Variants in GID4 observed in about 807,000 individuals in gnomAD.
GID4 encodes the protein glucose-induced degradation protein 4 homolog.
GID4 carries 7 observed loss-of-function variants against 32.4 expected under a neutral mutation model. The observed-to-expected ratio is 0.22, with a 90% CI of 0.12 to 0.41. The LOEUF (loss-of-function observed/expected upper bound fraction) is 0.41, where lower values mean the gene tolerates loss of function less well. GID4 is among the 10% of genes least tolerant of loss of function. The pLI, the probability that GID4 is intolerant of heterozygous loss-of-function variation, is 1.00. For synonymous variants in GID4, 166 were observed against 170.0 expected, an observed-to-expected ratio of 0.98 and a Z score of 0.18; for missense variants, 309 against 400.0, an observed-to-expected ratio of 0.77 and a Z score of 1.94.
intron 1 of GID4, among the ~76,000 whole-genome samples, chr17:18,044,667 T>G (rs1013756137): frequency 6.6e-6 from 1 of 152,172 alleles, no homozygotes; most frequent in Non-Finnish European, 1.5e-5. Context: ...TGATGTTTAG[T>G]GTAAAAACTA....
intron 3 of GID4, among the ~76,000 whole-genome samples, chr17:18,057,723 C>T (rs928475582): frequency 1.3e-5 from 2 of 151,874 alleles, no homozygotes; most frequent in Non-Finnish European, 2.9e-5. Flanking sequence ...TTCCTAATCT[C>T]CTGTTGTAAA....
intron 3 of GID4, 101 bp from the exon 4 acceptor site, chr17:18,058,767 C>G: frequency 1.4e-6 from 1 of 729,566 alleles, no homozygotes. Flanking sequence ...CCCTAGCTGT[C>G]ATGCCTTGGG....
intron 4 of GID4, among the ~76,000 whole-genome samples, chr17:18,060,889 A>G (rs1246043894): frequency 1.3e-5 from 2 of 152,094 alleles, no homozygotes; most frequent in African/African-American, 2.4e-5. Context: ...GCCCGCCAAC[A>G]TGCCCTGCTA....
At chr17:18,063,799 G>A (rs1445144034) in intron 5 of GID4, among the ~76,000 whole-genome samples, 12 of 152,100 alleles carry the variant, frequency 7.9e-5, no homozygotes. Flanking sequence ...CTGGAGTTCA[G>A]TGGCACGATC....
At chr17:18,055,390 C>T (rs1396488356) in intron 3 of GID4, among the ~76,000 whole-genome samples, 1 of 152,148 alleles carries the variant, frequency 6.6e-6, no homozygotes, top group African/African-American at 2.4e-5. Context: ...TCTGGCACAG[C>T]AGTCTGTGGA....
rs777050805 is a variant in GID4 at position 18,065,163 on chromosome 17, T to A, written c.840-17T>A. The A allele has an allele frequency of 6.2e-7, 1 of 1,607,832 alleles. No individual in the cohort carries two copies. The highest frequency in any genetic ancestry group is 2.2e-5 in the East Asian group (1 of 44,846). On this transcript the variant is annotated splice_polypyrimidine_tract_variant and intron_variant, in intron 5 of 5. Coordinates refer to ENST00000268719, the MANE Select transcript of GID4 (RefSeq NM_024052.5). ...ATTAGATGACTACCTCCCGTTTCTG[T>A]CTCCTCCCCCTTGCAGGTATCAGTC...
rs752987688 is a variant in GID4 at position 18,054,097 on chromosome 17, CTTATTTTGATA to C, written c.499-27_499-17del. ...AAGGTTAAAAACTCTCACTCAACAT[CTTATTTTGATA>C]TTTGGGTTTTTACCATAGGAGTATC... On this transcript the variant is annotated intron_variant, in intron 2 of 5. Transcript: ENST00000268719. 1.9e-5 allele frequency: 24 copies of C among 1,241,540 alleles called. No individual in the cohort carries two copies. The South Asian group carries it at 3.1e-4, about 16-fold the overall frequency. 76.9% of individuals were successfully genotyped at this position (1,241,540 alleles called of 1,614,324 possible). A position where few individuals can be genotyped will look rare whatever the true frequency, so the allele number is the denominator to read the frequency against.
chr17:18,051,841 G>A (rs2044912858), intron 2 of GID4, among the ~76,000 whole-genome samples: 2 of 152,074 alleles, frequency 1.3e-5, no homozygotes, highest in African/African-American at 2.4e-5. Context: ...TTGGGAGGCC[G>A]AGGCGGGTGG....
intron 5 of GID4, among the ~76,000 whole-genome samples, chr17:18,063,676 G>T (rs1400477279): frequency 2.0e-5 from 3 of 152,108 alleles, no homozygotes; most frequent in African/African-American, 7.2e-5. Context: ...TGCTTTGAAG[G>T]TTCATTCATG....
At position 18,039,619 on chromosome 17, in the gene GID4, C is replaced by G; in HGVS notation, c.155C>G (p.Pro52Arg). The G allele has an allele frequency of 7.7e-7, 1 of 1,293,754 alleles. No homozygotes were observed. Among genetic ancestry groups the G allele is most frequent in the Non-Finnish European group, 9.8e-7 (1 of 1,024,128 alleles). The allele number at this position is 1,293,754 out of a possible 1,614,324, so 80.1% of individuals were successfully genotyped here. The change falls in exon 1 of 6, where the codon CCC becomes CGC. Residue 52 changes from proline (P) to arginine (R), a missense_variant. Pro to Arg is a moderately radical substitution (Grantham distance 103). Transcript: ENST00000268719. This position sits in a 1 kb window ranked among gnomAD's most constrained non-coding sequence, Gnocchi z 5.3. Reference protein sequence around the residue: ...PSRPHPARARPGLSLPATLLG... With the variant: ...PSRPHPARARRGLSLPATLLG... The stretch of plus-strand genomic sequence containing the variant: ...CGCCCCCACCCCGCGCGTGCGCGCC[C>G]CGGCCTCTCCCTCCCCGCCACCCTC...
chr17:18,053,009 C>CTT (rs71155312), intron 2 of GID4, among the ~76,000 whole-genome samples: 2,592 of 83,172 alleles, frequency 0.031, 78 homozygotes, highest in African/African-American at 0.04. Context: ...AAAGTATTTA[C>CTT]TTTTTTTTTT....
chr17:18,054,559 C>T (rs1027922610), intron 3 of GID4, among the ~76,000 whole-genome samples: 2 of 152,158 alleles, frequency 1.3e-5, no homozygotes, highest in Non-Finnish European at 2.9e-5. Flanking sequence ...CTGTTCCTTT[C>T]AAATCACCTC....
chr17:18,057,048 T>G, intron 3 of GID4: 2 of 1,538,758 alleles, frequency 1.3e-6, no homozygotes, highest in Non-Finnish European at 1.8e-6. Context: ...TTGTATTGCA[T>G]CCTCAGATTT....
intron 3 of GID4, chr17:18,056,773 T>C (rs1373238719): frequency 6.4e-7 from 1 of 1,550,482 alleles, no homozygotes; most frequent in Non-Finnish European, 8.7e-7. Flanking sequence ...AGAGAGGAAC[T>C]AAGAAGGCCA....
chr17:18,053,210 T>C (rs1597694955), intron 2 of GID4, among the ~76,000 whole-genome samples: 2 of 149,730 alleles, frequency 1.3e-5, no homozygotes, highest in East Asian at 2.0e-4. Flanking sequence ...ATGAGGTTTC[T>C]CCATGTTGGT....
At chr17:18,048,448 C>T (rs2145556223) in intron 2 of GID4, among the ~76,000 whole-genome samples, 1 of 152,288 alleles carries the variant, frequency 6.6e-6, no homozygotes, top group Middle Eastern at 3.4e-3. Context: ...CCTCCTTGGC[C>T]TCCCAAAGTG....
chr17:18,057,029 T>A, intron 3 of GID4: 1 of 1,545,928 alleles, frequency 6.5e-7, no homozygotes, highest in Non-Finnish European at 8.7e-7. Context: ...TAAACTAGAA[T>A]CAGAGATATT....
chr17:18,067,758 T>C lies in GID4; in HGVS notation c.*2515T>C, dbSNP rs1006039188. ...ACACTTGTATCCATCCTTAAGAAAT[T>C]AGTGCAGATTGCAGATGTTCTGTCT... On this transcript the variant is annotated 3_prime_UTR_variant, in exon 6 of 6. Transcript: ENST00000268719. 1 of 152,630 alleles carries C rather than the reference T, an allele frequency of 6.6e-6. No individual in the cohort carries two copies. Among genetic ancestry groups the C allele is most frequent in the African/African-American group, 2.4e-5 (1 of 41,446 alleles). 9.5% of individuals were successfully genotyped at this position (152,630 alleles called of 1,614,324 possible).
intron 3 of GID4, among the ~76,000 whole-genome samples, chr17:18,055,713 C>T (rs369949003): frequency 1.3e-5 from 2 of 152,118 alleles, no homozygotes; most frequent in African/African-American, 4.8e-5. Context: ...TGGTCTTGAA[C>T]TCATGATCTT....
Sources: allele counts gnomAD v4.1 joint callset (sites outside exome capture counted in the v4.1 genomes callset), GRCh38; gene constraint gnomAD v4.1.1; non-coding constraint Gnocchi (gnomAD v3.1); transcripts MANE v1.5; gene names NCBI Gene and HGNC (gene_info 2026-07-23, HGNC 2026-07-21).